TPTE: variants seen among roughly 807,000 people sequenced by gnomAD.
The protein encoded by TPTE is transmembrane phosphatase with tensin homology, also known as putative tyrosine-protein phosphatase TPTE.
Under a neutral mutation model 84.1 loss-of-function variants are expected in TPTE, and 59 were observed. The ratio of observed to expected loss-of-function variants is 0.70; its 90% CI spans 0.57 to 0.87. The LOEUF (loss-of-function observed/expected upper bound fraction) is 0.87, where lower values mean the gene tolerates loss of function less well. Among genes scored for constraint, TPTE ranks in the 40% least tolerant of loss-of-function variants. The pLI is 0.00. For synonymous variants in TPTE, 130 were observed against 223.5 expected (o/e 0.58, Z 3.73); for missense variants, 382 against 659.6 (o/e 0.58, Z 4.61).
intron 17 of TPTE, among the ~76,000 whole-genome samples, chr21:10,583,377 T>C (rs1207204804): frequency 1.3e-5 from 2 of 152,312 alleles, no homozygotes; most frequent in East Asian, 3.8e-4. Flanking sequence ...TGGATATCCT[T>C]TTTTGTAAAG....
At chr21:10,566,583 GGCT>G (rs2074926368) in intron 10 of TPTE, among the ~76,000 whole-genome samples, 1 of 152,310 alleles carries the variant, frequency 6.6e-6, no homozygotes, top group African/African-American at 2.4e-5. Context: ...TGTTCATAAT[GGCT>G]AAGATTTGGA....
At chr21:10,549,143 G>A (rs1178870047) in intron 7 of TPTE, among the ~76,000 whole-genome samples, 2 of 152,414 alleles carry the variant, frequency 1.3e-5, no homozygotes, top group Non-Finnish European at 2.9e-5. Flanking sequence ...AAACTACATG[G>A]AGACTACACT....
At chr21:10,599,518 G>A (rs1205093438) in intron 21 of TPTE, among the ~76,000 whole-genome samples, 1 of 152,312 alleles carries the variant, frequency 6.6e-6, no homozygotes, top group African/African-American at 2.4e-5. Context: ...CATCTCAAGT[G>A]TAATGGGAAT....
chr21:10,601,461 C>CCA (rs1416151242), intron 21 of TPTE, among the ~76,000 whole-genome samples: 1 of 152,280 alleles, frequency 6.6e-6, no homozygotes, highest in African/African-American at 2.4e-5. Flanking sequence ...CGAGATCATG[C>CCA]CACTGTAGCC....
intron 10 of TPTE, among the ~76,000 whole-genome samples, chr21:10,565,847 A>C (rs1177274668): frequency 1.3e-5 from 2 of 152,308 alleles, no homozygotes; most frequent in Non-Finnish European, 2.9e-5. Context: ...ACCATATACA[A>C]AAATCAAATC....
At chr21:10,559,429 TTGG>T (rs2145670826) in intron 8 of TPTE, 62 bp from the exon 9 acceptor site, 1 of 1,601,892 alleles carries the variant, frequency 6.2e-7, no homozygotes, top group East Asian at 2.2e-5. Context: ...CCTTTGTTTT[TTGG>T]TTAAATTTAC....
At chr21:10,553,909 T>A (rs575865686) in intron 8 of TPTE, among the ~76,000 whole-genome samples, 1 of 152,426 alleles carries the variant, frequency 6.6e-6, no homozygotes, top group Admixed American at 6.5e-5. Flanking sequence ...AAAAATACTT[T>A]GAAAACTCTG....
chr21:10,536,254 G>T (rs1209791200), intron 3 of TPTE, among the ~76,000 whole-genome samples: 5 of 152,304 alleles, frequency 3.3e-5, no homozygotes, highest in South Asian at 4.1e-4. Context: ...CTCCAGCCTC[G>T]GTGAGAGTGA....
At chr21:10,532,378 G>C (rs1427870075) in intron 3 of TPTE, among the ~76,000 whole-genome samples, 1 of 152,304 alleles carries the variant, frequency 6.6e-6, no homozygotes, top group Non-Finnish European at 1.5e-5. Flanking sequence ...ATTTTATTTG[G>C]ATATTCACTC....
intron 1 of TPTE, among the ~76,000 whole-genome samples, chr21:10,522,540 G>C (rs2074001386): frequency 6.6e-6 from 1 of 152,312 alleles, no homozygotes; most frequent in Non-Finnish European, 1.5e-5. Context: ...AATGCGTCTG[G>C]ACGGGCAGCA....
At chr21:10,590,689 TG>T (rs2075457242) in intron 18 of TPTE, among the ~76,000 whole-genome samples, 166 bp downstream of exon 18, 1 of 152,310 alleles carries the variant, frequency 6.6e-6, no homozygotes, top group Non-Finnish European at 1.5e-5. Context: ...TCTTGTTTAA[TG>T]TGCACTAGTT....
chr21:10,590,506 A>G lies in TPTE; in HGVS notation c.1072A>G (p.Ile358Val). ...MVCAFLIASEICSTAKESLYY... is the reference protein window; with the variant it reads ...MVCAFLIASEVCSTAKESLYY... ...TTGTGCCTTCCTTATTGCCTCTGAA[A>G]TATGTTCAACTGCAAAGGTATGAAA... is the stretch of plus-strand genomic sequence containing the variant. Residue 358 changes from isoleucine to valine, a missense_variant, in exon 18 of 24, where the codon ATA becomes GTA. Ile to Val is a conservative substitution (Grantham distance 29). Coordinates refer to ENST00000618007, the MANE Select transcript of TPTE (RefSeq NM_199261.4). 6.2e-7 allele frequency: 1 copy of G among 1,614,142 alleles called. No individual in the cohort carries two copies.
chr21:10,530,997 G>A (rs1360631523), intron 3 of TPTE, among the ~76,000 whole-genome samples: 1 of 152,300 alleles, frequency 6.6e-6, no homozygotes, highest in East Asian at 1.9e-4. Context: ...TTTTCCACTA[G>A]TGTTCCTATC....
At position 10,521,626 on chromosome 21, in the gene TPTE, A is replaced by G. The variant is rs542018324; in HGVS notation, c.-279A>G. 3.9e-5 allele frequency: 6 copies of G among 154,600 alleles called. No individual in the cohort carries two copies. Among genetic ancestry groups the G allele is most frequent in the African/African-American group, 1.4e-4 (6 of 41,608 alleles). 9.6% of individuals were successfully genotyped at this position (154,600 alleles called of 1,614,324 possible). On this transcript the variant is annotated 5_prime_UTR_variant, in exon 1 of 24. Coordinates refer to ENST00000618007, the MANE Select transcript of TPTE (RefSeq NM_199261.4). ...ACAGTTTCTGACCCAACAGTTACCC[A>G]GCGCCGGACTCGCTGCGCCCCGGCG...
chr21:10,595,309 C>T (rs1600977759), intron 19 of TPTE, among the ~76,000 whole-genome samples: 1 of 152,430 alleles, frequency 6.6e-6, no homozygotes, highest in East Asian at 1.9e-4. Context: ...TCCCGAAGTG[C>T]TGGGATTACA....
intron 17 of TPTE, among the ~76,000 whole-genome samples, chr21:10,589,577 C>T (rs369200934): frequency 8.1e-3 from 1,218 of 150,332 alleles, no homozygotes; most frequent in South Asian, 0.044. Context: ...ATGCCGGCAG[C>T]GTTTCCCTGT....
rs764628536 is a variant in TPTE at position 10,578,524 on chromosome 21, G to C, written c.946G>C (p.Val316Leu). ...TCTTAAACTTGAAATCAGTCAGATG[G>C]TGGTTTTCACCAAGGAAGTAAATGA... ...DHNVPTLHQM[V>L]VFTKEVNEWM... Residue 316 changes from valine to leucine, a missense_variant, in exon 17 of 24, where the codon GTG becomes CTG. Physicochemically the swap from Val to Leu is conservative, Grantham distance 32 (BLOSUM62 1). Transcript: ENST00000618007. The C allele has an allele frequency of 1.2e-6, 2 of 1,611,850 alleles. No individual in the cohort carries two copies. The highest frequency in any genetic ancestry group is 2.7e-5 in the African/African-American group (2 of 74,878).
intron 19 of TPTE, among the ~76,000 whole-genome samples, chr21:10,593,729 T>C (rs2075528883): frequency 6.6e-6 from 1 of 151,606 alleles, no homozygotes; most frequent in Non-Finnish European, 1.5e-5. Context: ...AAGCCCTTGC[T>C]GTGCACAGCT....
At chr21:10,575,837 A>C (rs1172785800) in intron 14 of TPTE, among the ~76,000 whole-genome samples, 111 of 152,234 alleles carry the variant, frequency 7.3e-4, no homozygotes, top group South Asian at 2.9e-3. Flanking sequence ...AAAAAAAAAA[A>C]CTCAACATCA....
Sources: gnomAD v4.1 joint callset for allele counts (sites outside exome capture counted in the v4.1 genomes callset) on GRCh38, gnomAD v4.1.1 for gene constraint, MANE v1.5 for transcripts, NCBI Gene and HGNC (gene_info 2026-07-23, HGNC 2026-07-21) for gene names.